Variants in ST6GALNAC3 observed in about 807,000 individuals in gnomAD.
ST6GALNAC3 encodes ST6 N-acetylgalactosaminide alpha-2,6-sialyltransferase 3, also known as alpha-N-acetylgalactosaminide alpha-2,6-sialyltransferase 3.
In ST6GALNAC3, 25 loss-of-function variants were observed where a neutral mutation model predicts 32.7. The ratio of observed to expected loss-of-function variants is 0.76; its 90% CI spans 0.56 to 1.07. The LOEUF is 1.07. ST6GALNAC3 is among the 50% of genes least tolerant of loss of function. ST6GALNAC3 has a pLI of 0.00. For missense variants in ST6GALNAC3, 355 were observed against 382.4 expected, an observed-to-expected ratio of 0.93 and a Z score of 0.60; for synonymous variants, 129 against 133.1, an observed-to-expected ratio of 0.97 and a Z score of 0.21.
intron 1 of ST6GALNAC3, among the ~76,000 whole-genome samples, chr1:76,260,404 G>A (rs74638565): frequency 0.031 from 4,661 of 152,282 alleles, 238 homozygotes; most frequent in African/African-American, 0.11. Flanking sequence ...AGGCAATTAG[G>A]TAACAGTTAA....
intron 3 of ST6GALNAC3, among the ~76,000 whole-genome samples, chr1:76,444,702 C>T (rs1656849930): frequency 6.6e-6 from 1 of 152,134 alleles, no homozygotes; most frequent in African/African-American, 2.4e-5. Flanking sequence ...GTTGCTTCTT[C>T]TCTGGAGAAG....
chr1:76,578,694 T>A (rs1191488424), intron 3 of ST6GALNAC3, among the ~76,000 whole-genome samples: 1 of 151,990 alleles, frequency 6.6e-6, no homozygotes, highest in Non-Finnish European at 1.5e-5. Context: ...AGGCACAGCA[T>A]CTGTATGCTC....
At chr1:76,126,130 T>C (rs1160697494) in intron 1 of ST6GALNAC3, among the ~76,000 whole-genome samples, 2 of 152,246 alleles carry the variant, frequency 1.3e-5, no homozygotes, top group East Asian at 3.8e-4. Context: ...GAGGTCTGTC[T>C]CAAGAGTCTC....
intron 1 of ST6GALNAC3, among the ~76,000 whole-genome samples, chr1:76,278,790 G>A (rs1187673423): frequency 1.3e-5 from 2 of 152,162 alleles, no homozygotes; most frequent in African/African-American, 2.4e-5. Flanking sequence ...GGGAAACCAA[G>A]GTTTAGGAAA....
chr1:76,191,878 A>G (rs1484127179), intron 1 of ST6GALNAC3, among the ~76,000 whole-genome samples: 1 of 152,156 alleles, frequency 6.6e-6, no homozygotes, highest in East Asian at 1.9e-4. Flanking sequence ...GTAGTAAAAA[A>G]TGGTGACTTA....
At chr1:76,195,978 T>C (rs1326517680) in intron 1 of ST6GALNAC3, among the ~76,000 whole-genome samples, 3 of 152,216 alleles carry the variant, frequency 2.0e-5, no homozygotes, top group African/African-American at 7.2e-5. Flanking sequence ...GATTATGAGG[T>C]GATTTCTCTT....
chr1:76,125,105 T>C, intron 1 of ST6GALNAC3, among the ~76,000 whole-genome samples: 1 of 152,226 alleles, frequency 6.6e-6, no homozygotes, highest in Non-Finnish European at 1.5e-5. Context: ...ATTTAAAGTT[T>C]CCTATGTGGC....
intron 3 of ST6GALNAC3, among the ~76,000 whole-genome samples, chr1:76,424,858 A>T (rs995459135): frequency 3.3e-5 from 5 of 151,812 alleles, no homozygotes; most frequent in African/African-American, 1.2e-4. Flanking sequence ...TTGAATTCTC[A>T]TCCTTGTCTG....
At chr1:76,540,808 G>A (rs1219838186) in intron 3 of ST6GALNAC3, among the ~76,000 whole-genome samples, 2 of 152,166 alleles carry the variant, frequency 1.3e-5, no homozygotes, top group Non-Finnish European at 2.9e-5. Flanking sequence ...TCACAAAAGT[G>A]CCTATTGTGT....
At chr1:76,091,111 A>G (rs1191608691) in intron 1 of ST6GALNAC3, among the ~76,000 whole-genome samples, 2 of 152,248 alleles carry the variant, frequency 1.3e-5, no homozygotes, top group African/African-American at 2.4e-5. Context: ...TCTGAAATCA[A>G]GAAGCTGGGC....
chr1:76,370,414 CT>C (rs1650725507), intron 2 of ST6GALNAC3, among the ~76,000 whole-genome samples: 2 of 152,224 alleles, frequency 1.3e-5, no homozygotes, highest in African/African-American at 4.8e-5. Context: ...CATCTTTTTC[CT>C]TTTCATCTTC....
At chr1:76,348,414 T>C (rs139651754) in intron 2 of ST6GALNAC3, among the ~76,000 whole-genome samples, 1 of 152,234 alleles carries the variant, frequency 6.6e-6, no homozygotes, top group East Asian at 1.9e-4. Context: ...TGAGCAGAGG[T>C]TGGCAACCTT....
chr1:76,459,486 T>C (rs61771549), intron 3 of ST6GALNAC3, among the ~76,000 whole-genome samples: 1 of 150,318 alleles, frequency 6.7e-6, no homozygotes, highest in Non-Finnish European at 1.5e-5. Context: ...ATGGCATGAA[T>C]CCAGGAGGCA....
At chr1:76,412,459 T>A (rs779919750) in intron 3 of ST6GALNAC3, 42 bp downstream of exon 3, 2 of 1,533,766 alleles carry the variant, frequency 1.3e-6, no homozygotes, top group Non-Finnish European at 1.7e-6. Context: ...TTTATTATCT[T>A]TTATGCTAAA....
Position 76,314,016 on chromosome 1 carries a change from T to A in ST6GALNAC3, c.213+17T>A, listed in dbSNP as rs750114369. 2 of 1,605,266 alleles carry A rather than the reference T, an allele frequency of 1.2e-6. No homozygotes were observed. Among genetic ancestry groups the A allele is most frequent in the Non-Finnish European group, 1.7e-6 (2 of 1,175,514 alleles). On this transcript the variant is annotated intron_variant, in intron 2 of 4. Transcript: ENST00000328299. ...ACACAAGAGGTAAGATCCCAGAGGG[T>A]TACCTAGCAGTTGGAGAGTATCCAT...
intron 1 of ST6GALNAC3, among the ~76,000 whole-genome samples, chr1:76,272,355 C>T (rs987170993): frequency 1.3e-5 from 2 of 150,784 alleles, no homozygotes; most frequent in African/African-American, 4.9e-5. Flanking sequence ...ATTAAAACAC[C>T]GTTCAAGCCA....
At chr1:76,619,553 A>C (rs1459269071) in intron 3 of ST6GALNAC3, among the ~76,000 whole-genome samples, 1 of 152,164 alleles carries the variant, frequency 6.6e-6, no homozygotes, top group Non-Finnish European at 1.5e-5. Flanking sequence ...GAAGGAGAAA[A>C]ACATAATTCT....
chr1:76,591,534 T>C (rs1452820406), intron 3 of ST6GALNAC3, among the ~76,000 whole-genome samples: 1 of 152,076 alleles, frequency 6.6e-6, no homozygotes, highest in Non-Finnish European at 1.5e-5. Context: ...TCAGAAAATA[T>C]TTATATATTT....
At chr1:76,374,308 C>T (rs1038181979) in intron 2 of ST6GALNAC3, among the ~76,000 whole-genome samples, 2 of 152,128 alleles carry the variant, frequency 1.3e-5, no homozygotes, top group African/African-American at 2.4e-5. Context: ...TGTTGTACTC[C>T]GTCTAATTTG....
Sources: gnomAD v4.1 joint callset for allele counts (sites outside exome capture counted in the v4.1 genomes callset) on GRCh38, gnomAD v4.1.1 for gene constraint, MANE v1.5 for transcripts, NCBI Gene and HGNC (gene_info 2026-07-23, HGNC 2026-07-21) for gene names.